SPAG16: variants seen among roughly 807,000 people sequenced by gnomAD.
The protein encoded by SPAG16 is sperm associated antigen 16.
Under a neutral mutation model 80.4 loss-of-function variants are expected in SPAG16, and 86 were observed. The ratio of observed to expected loss-of-function variants is 1.07; its 90% confidence interval spans 0.90 to 1.28. SPAG16 has a LOEUF of 1.28. Among genes scored for constraint, SPAG16 ranks in the 50% most tolerant of loss-of-function variants. The pLI, the probability that SPAG16 is intolerant of heterozygous loss-of-function variation, is 0.00. For missense variants in SPAG16, 870 were observed against 765.3 expected, an observed-to-expected ratio of 1.14 and a Z score of -1.61; for synonymous variants, 294 against 265.9, an observed-to-expected ratio of 1.11 and a Z score of -1.03.
At chr2:214,340,146 G>T (rs1029595668) in intron 15 of SPAG16, among the ~76,000 whole-genome samples, 1 of 152,208 alleles carries the variant, frequency 6.6e-6, no homozygotes, top group African/African-American at 2.4e-5. Flanking sequence ...TAAGAGACAT[G>T]TGTCCCTCAT....
intron 13 of SPAG16, among the ~76,000 whole-genome samples, chr2:214,039,511 G>T (rs1030445770): frequency 1.9e-4 from 29 of 152,150 alleles, no homozygotes; most frequent in Admixed American, 4.6e-4. Context: ...GAGTGAACAG[G>T]CAACCTACAG....
At chr2:213,579,219 G>A (rs1435904460) in intron 10 of SPAG16, among the ~76,000 whole-genome samples, 1 of 151,906 alleles carries the variant, frequency 6.6e-6, no homozygotes, top group Non-Finnish European at 1.5e-5. Flanking sequence ...ATGTAATAAG[G>A]GATTCTTTGG....
intron 12 of SPAG16, among the ~76,000 whole-genome samples, chr2:213,932,510 A>G (rs945007615): frequency 1.3e-5 from 2 of 152,074 alleles, no homozygotes; most frequent in African/African-American, 2.4e-5. Context: ...GCCATGCTGC[A>G]TAGTTCTTAA....
At chr2:213,426,781 GTGTGTA>G (rs2069946968) in intron 9 of SPAG16, among the ~76,000 whole-genome samples, 1 of 144,632 alleles carries the variant, frequency 6.9e-6, no homozygotes, top group African/African-American at 2.7e-5. Flanking sequence ...GTGTGTGTGT[GTGTGTA>G]TGTTTATATT....
intron 11 of SPAG16, among the ~76,000 whole-genome samples, chr2:213,883,662 A>T (rs765645386): frequency 6.7e-6 from 1 of 150,244 alleles, no homozygotes; most frequent in Non-Finnish European, 1.5e-5. Context: ...TGATATGCCA[A>T]GAAGAACTTG....
chr2:213,989,802 G>A lies in SPAG16; in HGVS notation c.1401-24149G>A, dbSNP rs79771804. Among the ~76,000 whole-genome samples the A allele has an allele frequency of 8.8e-3, 1,334 of 152,184 alleles. 20 individuals carry two copies. The highest frequency in any genetic ancestry group is 0.03 in the African/African-American group (1,241 of 41,510). On this transcript the variant is annotated intron_variant, in intron 12 of 15. Transcript: ENST00000331683. ...ATACATAAATATAGGGAGTATATAT[G>A]ATTTGCCTGTAGTTATGTAAATGAC...
rs1432827274 is a variant in SPAG16 at position 214,312,639 on chromosome 2, T to C, written c.1721-97501T>C. On this transcript the variant is annotated intron_variant, in intron 15 of 15. Transcript: ENST00000331683. ...TGCTGAGCTGTGTTGATTTGATTTATGGGAAGTTGATCATTCACACTAATA... is the reference window on the plus strand; with the variant it reads ...TGCTGAGCTGTGTTGATTTGATTTACGGGAAGTTGATCATTCACACTAATA... Among the ~76,000 whole-genome samples the C allele has an allele frequency of 2.0e-5, 3 of 152,172 alleles. No individual in the cohort carries two copies. The East Asian group carries it at 5.8e-4, about 29-fold the overall frequency.
At chr2:213,319,533 A>G (rs2063532146) in intron 5 of SPAG16, among the ~76,000 whole-genome samples, 1 of 151,924 alleles carries the variant, frequency 6.6e-6, no homozygotes, top group African/African-American at 2.4e-5. Flanking sequence ...ATTTCTCAAA[A>G]GTGTTTTGTA....
chr2:214,134,800 T>G (rs1362657046), intron 14 of SPAG16, among the ~76,000 whole-genome samples: 5 of 152,166 alleles, frequency 3.3e-5, no homozygotes, highest in Admixed American at 1.3e-4. Flanking sequence ...ACATAAGAAC[T>G]TTTTTTACAT....
chr2:214,089,262 T>A (rs1422712606), intron 13 of SPAG16, among the ~76,000 whole-genome samples: 1 of 152,038 alleles, frequency 6.6e-6, no homozygotes. Flanking sequence ...GGGGAGGCAT[T>A]TGTAATAGAT....
At chr2:214,086,499 C>G (rs1271447590) in intron 13 of SPAG16, among the ~76,000 whole-genome samples, 1 of 152,092 alleles carries the variant, frequency 6.6e-6, no homozygotes, top group African/African-American at 2.4e-5. Flanking sequence ...TCCCCCTGTG[C>G]TGTTCTGGTG....
intron 11 of SPAG16, among the ~76,000 whole-genome samples, chr2:213,867,572 G>A (rs554744883): frequency 6.6e-6 from 1 of 152,262 alleles, no homozygotes; most frequent in East Asian, 1.9e-4. Context: ...GCACACATAT[G>A]TTCAATAAAT....
intron 15 of SPAG16, among the ~76,000 whole-genome samples, chr2:214,353,606 G>A (rs1267406465): frequency 6.6e-6 from 1 of 152,086 alleles, no homozygotes; most frequent in Non-Finnish European, 1.5e-5. Context: ...TACCCAGTCA[G>A]TCAAGGATCA....
At chr2:213,728,534 A>C (rs1042815009) in intron 10 of SPAG16, among the ~76,000 whole-genome samples, 1 of 152,192 alleles carries the variant, frequency 6.6e-6, no homozygotes, top group African/African-American at 2.4e-5. Context: ...ACAGGGAATA[A>C]GGACAGAAAC....
chr2:213,896,344 G>A (rs2076988764), intron 11 of SPAG16, among the ~76,000 whole-genome samples: 1 of 151,890 alleles, frequency 6.6e-6, no homozygotes, highest in Non-Finnish European at 1.5e-5. Flanking sequence ...TTATACTGTT[G>A]GTGGGAATGT....
intron 10 of SPAG16, among the ~76,000 whole-genome samples, chr2:213,549,354 T>G (rs2076715272): frequency 6.6e-6 from 1 of 152,154 alleles, no homozygotes; most frequent in Non-Finnish European, 1.5e-5. Context: ...TATGAGTTTC[T>G]AAAGGTATTT....
At chr2:213,779,142 T>C (rs2069785947) in intron 10 of SPAG16, among the ~76,000 whole-genome samples, 2 of 152,240 alleles carry the variant, frequency 1.3e-5, no homozygotes, top group African/African-American at 4.8e-5. Context: ...TCCTACTTAA[T>C]GTTTCTTGAG....
intron 10 of SPAG16, among the ~76,000 whole-genome samples, chr2:213,627,234 C>T (rs2061993102): frequency 6.6e-6 from 1 of 152,134 alleles, no homozygotes; most frequent in Admixed American, 6.5e-5. Flanking sequence ...TCCTGCATGG[C>T]AGAGAGCGTT....
chr2:213,373,445 C>G (rs182119899), intron 8 of SPAG16, among the ~76,000 whole-genome samples: 1 of 152,242 alleles, frequency 6.6e-6, no homozygotes, highest in Admixed American at 6.5e-5. Flanking sequence ...ATGTTGAATA[C>G]TGTCCTAAAA....
Sources: allele counts gnomAD v4.1 joint callset (sites outside exome capture counted in the v4.1 genomes callset), GRCh38; gene constraint gnomAD v4.1.1; transcripts MANE v1.5; gene names NCBI Gene and HGNC (gene_info 2026-07-23, HGNC 2026-07-21).